Variants in PDE11A observed in about 807,000 individuals in gnomAD.
PDE11A encodes the protein dual 3',5'-cyclic-AMP and -GMP phosphodiesterase 11A.
Under a neutral mutation model 100.5 loss-of-function variants are expected in PDE11A, and 100 were observed. The observed-to-expected ratio is 1.00, with a 90% CI of 0.85 to 1.18. PDE11A has a LOEUF of 1.18. Ranked by LOEUF, PDE11A falls within the 50% of genes most tolerant of loss-of-function variation. The pLI, the probability that PDE11A is intolerant of heterozygous loss-of-function variation, is 0.00. For missense variants in PDE11A, 1,141 were observed against 1,152.6 expected (o/e 0.99, Z 0.15); for synonymous variants, 381 against 420.8 (o/e 0.91, Z 1.16).
chr2:178,101,064 T>C (rs2087553608), intron 2 of PDE11A, among the ~76,000 whole-genome samples: 1 of 152,208 alleles, frequency 6.6e-6, no homozygotes. Flanking sequence ...AGTTTAATAC[T>C]ACCTGCCCAC....
intron 2 of PDE11A, among the ~76,000 whole-genome samples, chr2:177,988,276 C>T (rs1055935439): frequency 1.3e-5 from 2 of 152,210 alleles, no homozygotes; most frequent in Admixed American, 6.5e-5. Flanking sequence ...AGAAACTCTT[C>T]GATCTACCTT....
rs1036513708 is a variant in PDE11A at position 177,998,227 on chromosome 2, C to T, written c.1071+16075G>A. ...TCTTCATGAGTCACATCTTCTAGGACGTGTTTGGATTCAGTTAGTATAAGC... is the reference window on the plus strand; with the variant it reads ...TCTTCATGAGTCACATCTTCTAGGATGTGTTTGGATTCAGTTAGTATAAGC... On this transcript the variant is annotated intron_variant, in intron 2 of 19. Coordinates refer to ENST00000286063, the MANE Select transcript of PDE11A (RefSeq NM_016953.4). 9.3e-5 allele frequency: 77 copies of T among 826,792 alleles called. 2 individuals carry two copies. The highest frequency in any genetic ancestry group is 6.0e-4 in the South Asian group (45 of 75,404). The allele number at this position is 826,792 out of a possible 1,614,324, so 51.2% of individuals were successfully genotyped here.
intron 6 of PDE11A, among the ~76,000 whole-genome samples, chr2:177,821,254 T>C (rs1401654340): frequency 6.6e-6 from 1 of 151,926 alleles, no homozygotes; most frequent in Non-Finnish European, 1.5e-5. Flanking sequence ...CTTCTATTCA[T>C]TGTACCAATA....
At chr2:178,016,584 T>C (rs1206067272) in intron 1 of PDE11A, among the ~76,000 whole-genome samples, 2 of 152,142 alleles carry the variant, frequency 1.3e-5, no homozygotes, top group East Asian at 3.9e-4. Context: ...TGGTAAGTGT[T>C]ACTGAGAAAA....
At chr2:177,945,435 CCAT>C (rs2085400407) in intron 2 of PDE11A, among the ~76,000 whole-genome samples, 1 of 141,352 alleles carries the variant, frequency 7.1e-6, no homozygotes. Flanking sequence ...GCCCGGCCGC[CCAT>C]CGTCTGAGAT....
chr2:177,669,644 A>G (rs2080647137), intron 17 of PDE11A, 77 bp from the exon 18 acceptor site: 2 of 781,308 alleles, frequency 2.6e-6, no homozygotes, highest in East Asian at 2.4e-5. Flanking sequence ...TTGCTTATGT[A>G]TTTGGTGATC....
In PDE11A at chr2:177,872,390, G is replaced by A. The variant is rs534973087; in HGVS notation, c.1367+3469C>T. The stretch of plus-strand genomic sequence containing the variant: ...CTGGAAGAGGAGCACACTTCATGGA[G>A]GGAGATGGATTGAATCATTTCCAGC... On this transcript the variant is annotated intron_variant, in intron 5 of 19. Transcript: ENST00000286063. 5.3e-5 allele frequency among the ~76,000 whole-genome samples: 8 copies of A among 152,298 alleles called. No individual in the cohort carries two copies. In the South Asian group the frequency reaches 1.7e-3, roughly 32 times the overall value.
intron 2 of PDE11A, among the ~76,000 whole-genome samples, chr2:178,094,668 T>A (rs1413826895): frequency 6.6e-6 from 1 of 152,158 alleles, no homozygotes; most frequent in Non-Finnish European, 1.5e-5. Flanking sequence ...AAGTAGAGTG[T>A]TCTAGTCTAT....
chr2:177,930,823 A>G (rs2085195512), intron 2 of PDE11A, among the ~76,000 whole-genome samples: 1 of 152,238 alleles, frequency 6.6e-6, no homozygotes, highest in Non-Finnish European at 1.5e-5. Flanking sequence ...TGAATCCCAA[A>G]GAGGATCCAT....
intron 17 of PDE11A, among the ~76,000 whole-genome samples, chr2:177,674,335 C>T (rs1005524387): frequency 7.2e-5 from 11 of 152,300 alleles, no homozygotes; most frequent in Non-Finnish European, 5.9e-5. Context: ...TTCTGGAGGC[C>T]GGGAGTTCTA....
Position 177,818,291 on chromosome 2 carries a change from G to GAA in PDE11A, c.1577-368_1577-367dup, listed in dbSNP as rs2083076552. Reference sequence around the variant, plus strand: ...CTACATATATATATATATTTCAACTGAAAATATATATATATGTGTGTATAT... The same window carrying GAA: ...CTACATATATATATATATTTCAACTGAAAAAATATATATATATGTGTGTATAT... On this transcript the variant is annotated intron_variant, in intron 7 of 19. Transcript: ENST00000286063. 3.2e-5 allele frequency among the ~76,000 whole-genome samples: 4 copies of GAA among 126,404 alleles called. No homozygotes were observed. In the South Asian group the frequency reaches 7.5e-4, roughly 24 times the overall value. The allele number at this position is 126,404 out of a possible 152,430, so 82.9% of individuals were successfully genotyped here. A position where few individuals can be genotyped will look rare whatever the true frequency, so the allele number is the denominator to read the frequency against.
At chr2:178,012,654 C>T (rs374725123) in intron 2 of PDE11A, among the ~76,000 whole-genome samples, 13 of 152,316 alleles carry the variant, frequency 8.5e-5, no homozygotes, top group African/African-American at 2.6e-4. Context: ...AAATTATTCA[C>T]AGCTCATGAA....
chr2:178,061,039 G>GAA, intron 1 of PDE11A, among the ~76,000 whole-genome samples: 1 of 146,532 alleles, frequency 6.8e-6, no homozygotes, highest in African/African-American at 2.5e-5. Context: ...TGCCTCCTGG[G>GAA]TTCAAACAAT....
chr2:177,705,034 G>T (rs1559151700), intron 13 of PDE11A, among the ~76,000 whole-genome samples: 1 of 152,118 alleles, frequency 6.6e-6, no homozygotes, highest in Non-Finnish European at 1.5e-5. Context: ...TAAAGGCAAA[G>T]TTTCACCATG....
At chr2:177,885,024 T>C (rs572813385) in intron 4 of PDE11A, among the ~76,000 whole-genome samples, 1 of 152,090 alleles carries the variant, frequency 6.6e-6, no homozygotes, top group Non-Finnish European at 1.5e-5. Context: ...GTAATGGAGA[T>C]GGACAGTGGG....
intron 1 of PDE11A, among the ~76,000 whole-genome samples, chr2:178,043,478 T>C (rs989057102): frequency 6.6e-6 from 1 of 152,158 alleles, no homozygotes; most frequent in African/African-American, 2.4e-5. Context: ...TGAATCTTGA[T>C]CTTCTAAGCC....
At chr2:178,068,705 G>A (rs1247795679) in intron 1 of PDE11A, among the ~76,000 whole-genome samples, 1 of 152,180 alleles carries the variant, frequency 6.6e-6, no homozygotes, top group Non-Finnish European at 1.5e-5. Context: ...TATTTGGAAG[G>A]TTGTCGGTTT....
intron 15 of PDE11A, among the ~76,000 whole-genome samples, chr2:177,682,114 T>C (rs764434985): frequency 9.2e-5 from 14 of 152,138 alleles, no homozygotes; most frequent in African/African-American, 2.9e-4. Context: ...AACAAAAACA[T>C]TGGTCTCCAC....
intron 19 of PDE11A, among the ~76,000 whole-genome samples, chr2:177,654,714 G>T (rs2080356754): frequency 6.6e-6 from 1 of 152,140 alleles, no homozygotes; most frequent in South Asian, 2.1e-4. Flanking sequence ...AGTCACTCTT[G>T]ACAATTTAGG....
Sources: allele counts gnomAD v4.1 joint callset (sites outside exome capture counted in the v4.1 genomes callset), GRCh38; gene constraint gnomAD v4.1.1; transcripts MANE v1.5; gene names NCBI Gene and HGNC (gene_info 2026-07-23, HGNC 2026-07-21).